Variants in KCNH7 observed in about 807,000 individuals in gnomAD.
KCNH7 encodes the protein voltage-gated inwardly rectifying potassium channel KCNH7.
Under a neutral mutation model 120.8 loss-of-function variants are expected in KCNH7, and 49 were observed. The observed-to-expected ratio is 0.41, with a 90% CI of 0.32 to 0.51. The LOEUF (loss-of-function observed/expected upper bound fraction) is 0.51. KCNH7 is among the 20% of genes least tolerant of loss of function. KCNH7 has a pLI of 0.38. For synonymous variants in KCNH7, 547 were observed against 516.1 expected (o/e 1.06, Z -0.81); for missense variants, 1,097 against 1,446.6 (o/e 0.76, Z 3.92).
chr2:162,470,674 G>A (rs1286701086), intron 6 of KCNH7, among the ~76,000 whole-genome samples: 10 of 151,584 alleles, frequency 6.6e-5, no homozygotes, highest in African/African-American at 2.2e-4. Context: ...GGTGAGGGGC[G>A]CCTCTGCCCA....
At chr2:162,432,479 G>A (rs1232135006) in intron 8 of KCNH7, among the ~76,000 whole-genome samples, 1 of 151,874 alleles carries the variant, frequency 6.6e-6, no homozygotes, top group East Asian at 1.9e-4. Context: ...CATTAATAGG[G>A]ATTTATCTAA....
At chr2:162,803,833 A>C (rs1194256466) in intron 2 of KCNH7, among the ~76,000 whole-genome samples, 2 of 151,600 alleles carry the variant, frequency 1.3e-5, no homozygotes, top group Non-Finnish European at 3.0e-5. Context: ...TTGTGTTTGC[A>C]TTTTTTACTT....
chr2:162,668,779 G>A (rs1486656165), intron 2 of KCNH7, among the ~76,000 whole-genome samples: 1 of 152,104 alleles, frequency 6.6e-6, no homozygotes, highest in Non-Finnish European at 1.5e-5. Context: ...GTATTGGGAT[G>A]ACCTGTCAAA....
chr2:162,814,842 T>C (rs1484182271), intron 2 of KCNH7, among the ~76,000 whole-genome samples: 3 of 152,326 alleles, frequency 2.0e-5, no homozygotes, highest in East Asian at 3.9e-4. Context: ...TTGTTGTTAC[T>C]GCTTTTTAAA....
chr2:162,573,200 G>T (rs1693552535), intron 2 of KCNH7, among the ~76,000 whole-genome samples: 1 of 151,998 alleles, frequency 6.6e-6, no homozygotes, highest in South Asian at 2.1e-4. Context: ...AATGTAAATA[G>T]GATCATGTGT....
intron 2 of KCNH7, among the ~76,000 whole-genome samples, chr2:162,831,014 G>A (rs934636640): frequency 2.0e-5 from 3 of 152,136 alleles, no homozygotes; most frequent in African/African-American, 7.2e-5. Flanking sequence ...AAGCCAGCCA[G>A]TATCCTGGTT....
rs911912436 is a variant in KCNH7, at chr2:162,566,048, A to G, written c.308-28968T>C. On this transcript the variant is annotated intron_variant, in intron 2 of 15. Transcript: ENST00000332142. ...GATATCTTACAAGTTCCTTTCATCTATCTGGGAACCATGACCTGCCACTTT... is the reference window on the plus strand; with the variant it reads ...GATATCTTACAAGTTCCTTTCATCTGTCTGGGAACCATGACCTGCCACTTT... 3.3e-5 allele frequency among the ~76,000 whole-genome samples: 5 copies of G among 151,996 alleles called. No individual in the cohort carries two copies. In the East Asian group the frequency reaches 9.7e-4, roughly 29 times the overall value.
chr2:162,446,698 C>A (rs559614839), intron 6 of KCNH7, among the ~76,000 whole-genome samples: 2 of 152,114 alleles, frequency 1.3e-5, no homozygotes, highest in African/African-American at 4.8e-5. Context: ...AATATTGCCA[C>A]TGAGATACTG....
chr2:162,620,994 G>C (rs1431556262), intron 2 of KCNH7, among the ~76,000 whole-genome samples: 2 of 152,012 alleles, frequency 1.3e-5, no homozygotes, highest in Non-Finnish European at 2.9e-5. Context: ...TATGGTCACT[G>C]TAAACATAAA....
chr2:162,524,920 T>C (rs1691648000), intron 3 of KCNH7, among the ~76,000 whole-genome samples: 1 of 151,936 alleles, frequency 6.6e-6, no homozygotes, highest in African/African-American at 2.4e-5. Flanking sequence ...ATGATGTAGA[T>C]AGCAGCTAGA....
chr2:162,737,058 A>G (rs1687939835), intron 2 of KCNH7, among the ~76,000 whole-genome samples: 1 of 152,194 alleles, frequency 6.6e-6, no homozygotes, highest in African/African-American at 2.4e-5. Flanking sequence ...GAAAATCTCA[A>G]AAAAGACTGA....
At chr2:162,809,754 G>T (rs1367466805) in intron 2 of KCNH7, among the ~76,000 whole-genome samples, 1 of 152,028 alleles carries the variant, frequency 6.6e-6, no homozygotes, top group Non-Finnish European at 1.5e-5. Context: ...ATAAGCAAGA[G>T]ATAATTTTCA....
chr2:162,610,365 A>G (rs1682927039), intron 2 of KCNH7, among the ~76,000 whole-genome samples: 1 of 152,096 alleles, frequency 6.6e-6, no homozygotes, highest in Admixed American at 6.5e-5. Context: ...TTTCCACACC[A>G]TCTTCAAGAA....
In KCNH7 at chr2:162,371,936, A is replaced by C; in HGVS notation, c.3484T>G (p.Tyr1162Asp). The C allele has an allele frequency of 6.2e-7, 1 of 1,613,904 alleles. No homozygotes were observed. Among genetic ancestry groups the C allele is most frequent in the East Asian group, 2.2e-5 (1 of 44,838 alleles). Residue 1162 changes from tyrosine to aspartate, a missense_variant, in exon 16 of 16, where the codon TAC (tyrosine) becomes GAC (aspartate). Transcript: ENST00000332142. ...LELHLRQRKTYVHPIRHPSLP... is the reference protein window; with the variant it reads ...LELHLRQRKTDVHPIRHPSLP... ...GAAGGATGCCTAATTGGATGAACGT[A>C]AGTTTTTCTTTGCCGCAGGTGAAGC...
chr2:162,532,626 A>G (rs1347191973), intron 3 of KCNH7, among the ~76,000 whole-genome samples: 1 of 151,980 alleles, frequency 6.6e-6, no homozygotes, highest in African/African-American at 2.4e-5. Flanking sequence ...AACTCTGAAA[A>G]TATTTTACCC....
At chr2:162,568,888 A>G (rs2105894289) in intron 2 of KCNH7, among the ~76,000 whole-genome samples, 1 of 152,160 alleles carries the variant, frequency 6.6e-6, no homozygotes, top group Non-Finnish European at 1.5e-5. Flanking sequence ...GTCATGGTGG[A>G]TAAGCCTTTT....
chr2:162,671,381 A>C (rs1401800176), intron 2 of KCNH7, among the ~76,000 whole-genome samples: 2 of 150,732 alleles, frequency 1.3e-5, no homozygotes, highest in Non-Finnish European at 2.9e-5. Context: ...CCATTAAAAA[A>C]ATGAAATCAT....
chr2:162,552,438 A>G (rs1344510115), intron 2 of KCNH7, among the ~76,000 whole-genome samples: 1 of 152,244 alleles, frequency 6.6e-6, no homozygotes, highest in Non-Finnish European at 1.5e-5. Flanking sequence ...AAAATCGGGC[A>G]TCTCTGGCTA....
At chr2:162,390,092 A>G (rs1017208263) in intron 12 of KCNH7, among the ~76,000 whole-genome samples, 15 of 151,944 alleles carry the variant, frequency 9.9e-5, no homozygotes, top group African/African-American at 3.6e-4. Context: ...ATTCTCTGCC[A>G]AAAGGTCATC....
Sources: allele counts gnomAD v4.1 joint callset (sites outside exome capture counted in the v4.1 genomes callset), GRCh38; gene constraint gnomAD v4.1.1; transcripts MANE v1.5; gene names NCBI Gene and HGNC (gene_info 2026-07-23, HGNC 2026-07-21).